GBP2: variants seen among roughly 807,000 people sequenced by gnomAD.
The protein encoded by GBP2 is guanylate binding protein 2, also known as guanylate-binding protein 2.
Under a neutral mutation model 60.8 loss-of-function variants are expected in GBP2, and 54 were observed. The observed-to-expected ratio is 0.89, with a 90% confidence interval of 0.71 to 1.11. The LOEUF is 1.11. Ranked by LOEUF, GBP2 falls within the 50% of genes most tolerant of loss-of-function variation. The pLI, the probability that GBP2 is intolerant of heterozygous loss-of-function variation, is 0.00. For synonymous variants in GBP2, 243 were observed against 256.5 expected, an observed-to-expected ratio of 0.95 and a Z score of 0.50; for missense variants, 665 against 703.3, an observed-to-expected ratio of 0.95 and a Z score of 0.62.
rs764866212 is a variant in GBP2, at chr1:89,108,250, G to C, written c.1701C>G (p.Ser567Arg). The C allele has an allele frequency of 1.2e-6, 2 of 1,613,370 alleles. No homozygotes were observed. Among genetic ancestry groups the C allele is most frequent in the Non-Finnish European group, 1.7e-6 (2 of 1,179,532 alleles). The part of the protein sequence containing the change: ...RLLKEGFENE[S>R]KRLQKDIWDI... ...CCCATATGTCTTTTTGAAGTCTCTT[G>C]CTCTCATTCTCGAATCCCTCCTTGA... Residue 567 changes from serine (S) to arginine (R), a missense_variant, in exon 11 of 11, where the codon AGC becomes AGG. Coordinates refer to ENST00000370466, the MANE Select transcript of GBP2 (RefSeq NM_004120.5).
chr1:89,118,209 G>A (rs992737446), intron 4 of GBP2: 1 of 153,984 alleles, frequency 6.5e-6, no homozygotes, highest in African/African-American at 2.4e-5. Context: ...ATAATTGTGT[G>A]TATCTGCATG....
chr1:89,116,987 C>G lies in GBP2; in HGVS notation c.868+5G>C, dbSNP rs1681285203. ...GGTAGGAAGTGGGTAGAGAGAGTGA[C>G]TCACGAGGCCCATTGACTGGAATGC... On this transcript the variant is annotated splice_donor_5th_base_variant and intron_variant, in intron 6 of 10. Transcript: ENST00000370466. The G allele has an allele frequency of 6.2e-7, 1 of 1,613,708 alleles. No homozygotes were observed.
At chr1:89,110,359 G>A (rs1681138551) in intron 8 of GBP2, 93 bp from the exon 9 acceptor site, 1 of 891,772 alleles carries the variant, frequency 1.1e-6, no homozygotes, top group Non-Finnish European at 1.8e-6. Context: ...AGGAAAATAA[G>A]TCATTACACA....
chr1:89,110,133 G>T, intron 9 of GBP2, 31 bp downstream of exon 9: 2 of 1,499,390 alleles, frequency 1.3e-6, no homozygotes, highest in South Asian at 2.3e-5. Flanking sequence ...AGAGCTTTCC[G>T]ACCATGTAGA....
intron 10 of GBP2, among the ~76,000 whole-genome samples, chr1:89,108,841 T>C: frequency 6.6e-6 from 1 of 151,874 alleles, no homozygotes; most frequent in East Asian, 1.9e-4. Context: ...CAAGAAAGTA[T>C]TGGCACCATG....
At chr1:89,113,046 T>G (rs1681195456) in intron 7 of GBP2, 1 of 269,030 alleles carries the variant, frequency 3.7e-6, no homozygotes, top group Non-Finnish European at 7.2e-6. Flanking sequence ...CCGGATACAC[T>G]ACACTGTGGC....
intron 8 of GBP2, among the ~76,000 whole-genome samples, chr1:89,110,499 A>C (rs952088411): frequency 1.3e-5 from 2 of 152,070 alleles, no homozygotes; most frequent in African/African-American, 4.8e-5. Flanking sequence ...AACATATAAT[A>C]CCCCCCCACA....
intron 10 of GBP2, 95 bp downstream of exon 10, chr1:89,109,582 G>C: frequency 1.9e-6 from 2 of 1,072,074 alleles, no homozygotes; most frequent in African/African-American, 1.6e-5. Flanking sequence ...GTCTGGGCTA[G>C]AAAGTTTTTT....
rs761114907 is a variant in GBP2 at position 89,112,589 on chromosome 1, A to T, written c.1245T>A (p.Pro415=). 6.2e-7 allele frequency: 1 copy of T among 1,614,170 alleles called. No individual in the cohort carries two copies. Among genetic ancestry groups the T allele is most frequent in the East Asian group, 2.2e-5 (1 of 44,876 alleles). The change falls in exon 8 of 11, where the codon CCT becomes CCA. Residue 415 remains proline, a synonymous_variant. Transcript: ENST00000370466. ...TTCCCTGCTTGACATCTTCTTCTAA[A>T]GGGCCAAATATATCCTGAAGTAAAG... The part of the protein sequence containing the change: ...CMALLQDIFG[P]LEEDVKQGTF...
At chr1:89,111,211 G>T (rs900086690) in intron 8 of GBP2, among the ~76,000 whole-genome samples, 4 of 152,048 alleles carry the variant, frequency 2.6e-5, no homozygotes, top group Admixed American at 1.3e-4. Flanking sequence ...TGAATGGGAA[G>T]AACAACAAAA....
chr1:89,124,043 A>T (rs1681463276), intron 1 of GBP2, among the ~76,000 whole-genome samples: 1 of 152,322 alleles, frequency 6.6e-6, no homozygotes, highest in Admixed American at 6.5e-5. Flanking sequence ...GTCTTTCCCT[A>T]TCAGTTCGTA....
rs1196670757 is a variant in GBP2, at chr1:89,121,974, G to A, written c.-8C>T. The A allele has an allele frequency of 6.2e-7, 1 of 1,601,678 alleles. No homozygotes were observed. Among genetic ancestry groups the A allele is most frequent in the Non-Finnish European group, 8.5e-7 (1 of 1,172,862 alleles). ...GTTGATCTCTGGAGCCATGTCCAGG[G>A]TGTTGTTCCCTTGTGTGCAAGGAAA... On this transcript the variant is annotated 5_prime_UTR_variant, in exon 2 of 11. Transcript: ENST00000370466.
At position 89,108,297 on chromosome 1, in the gene GBP2, A is replaced by G. The variant is rs749316144; in HGVS notation, c.1660-6T>C. 6.3e-6 allele frequency: 10 copies of G among 1,579,832 alleles called. No homozygotes were observed. The highest frequency in any genetic ancestry group is 8.7e-6 in the Non-Finnish European group (10 of 1,149,356). On this transcript the variant is annotated splice_region_variant and splice_polypyrimidine_tract_variant and intron_variant, in intron 10 of 10. Coordinates refer to ENST00000370466, the MANE Select transcript of GBP2 (RefSeq NM_004120.5). The stretch of plus-strand genomic sequence containing the variant: ...TTGAGAAGGCGTTCCTGTTCCTAAA[A>G]GGGAAAGTGGAGACTAAGCCTATCC...
intron 1 of GBP2, among the ~76,000 whole-genome samples, chr1:89,123,382 T>G (rs1191122407): frequency 6.6e-6 from 1 of 152,234 alleles, no homozygotes; most frequent in Non-Finnish European, 1.5e-5. Flanking sequence ...TGTTTCTATA[T>G]ATAAGCTTAA....
rs374606640 is a variant in GBP2 at position 89,108,188 on chromosome 1, C to T, written c.1763G>A (p.Cys588Tyr). 7 of 1,606,236 alleles carry T rather than the reference C, an allele frequency of 4.4e-6. No homozygotes were observed. The highest frequency in any genetic ancestry group is 2.7e-5 in the African/African-American group (2 of 74,782). ...CTCCTTGGACTTTTAGAGTATGTTA[C>T]ATATTGGCTCCAATGATTTGCTTCT... Reference protein sequence around the residue: ...QMRSKSLEPICNIL With the variant: ...QMRSKSLEPIYNIL Residue 588 changes from cysteine (C) to tyrosine (Y), a missense_variant, in exon 11 of 11, where the codon TGT (cysteine) becomes TAT (tyrosine). Transcript: ENST00000370466.
rs370007939 is a variant in GBP2, at chr1:89,124,451, C to T, written c.-18+1412G>A. ...CAAAATTTTCTTTGGAAACTTTTCA[C>T]ATTCACGTTTAGATATTTGGACTGA... On this transcript the variant is annotated intron_variant, in intron 1 of 10. Coordinates refer to ENST00000370466, the MANE Select transcript of GBP2 (RefSeq NM_004120.5). 3.7e-4 allele frequency among the ~76,000 whole-genome samples: 56 copies of T among 152,296 alleles called. 6 individuals carry two copies. Among genetic ancestry groups the T allele is most frequent in the Admixed American group, 9.1e-4 (14 of 15,304 alleles).
chr1:89,116,014 A>AATAT lies in GBP2; in HGVS notation c.868+974_868+977dup, dbSNP rs36059876. On this transcript the variant is annotated intron_variant, in intron 6 of 10. Coordinates refer to ENST00000370466, the MANE Select transcript of GBP2 (RefSeq NM_004120.5). ...TTGGTTAGCTCTTAACCATTTATTTAATATATATATATATTGGAGACAGGG... is the reference window on the plus strand; with the variant it reads ...TTGGTTAGCTCTTAACCATTTATTTAATATATATATATATATATTGGAGACAGGG... Among the ~76,000 whole-genome samples the AATAT allele has an allele frequency of 8.2e-4, 123 of 149,596 alleles. 7 individuals are homozygous for AATAT. Among genetic ancestry groups the AATAT allele is most frequent in the South Asian group, 4.6e-3 (22 of 4,748 alleles).
chr1:89,119,963 G>A (rs913320375), intron 4 of GBP2: 28 of 521,784 alleles, frequency 5.4e-5, no homozygotes, highest in African/African-American at 5.0e-4. Context: ...GATATACAGA[G>A]TCTTGGGTGG....
intron 1 of GBP2, among the ~76,000 whole-genome samples, chr1:89,122,571 G>A (rs1557443532): frequency 6.6e-6 from 1 of 152,058 alleles, no homozygotes; most frequent in South Asian, 2.1e-4. Context: ...TGTCACCAAA[G>A]TGATGTTCTG....
Sources: gnomAD v4.1 joint callset for allele counts (sites outside exome capture counted in the v4.1 genomes callset) on GRCh38, gnomAD v4.1.1 for gene constraint, MANE v1.5 for transcripts, NCBI Gene and HGNC (gene_info 2026-07-23, HGNC 2026-07-21) for gene names.